Variants in ZNF428 observed in about 807,000 individuals in gnomAD.
The protein encoded by ZNF428 is enzyme-like protein PIT13.
A neutral mutation model predicts 15.6 loss-of-function variants in ZNF428; 5 were observed. The observed-to-expected ratio is 0.32, with a 90% CI of 0.17 to 0.67. ZNF428 has a LOEUF of 0.67. ZNF428 is among the 30% of genes least tolerant of loss of function. ZNF428 has a pLI of 0.73. For synonymous variants in ZNF428, 97 were observed against 102.2 expected, an observed-to-expected ratio of 0.95 and a Z score of 0.31; for missense variants, 237 against 256.0, an observed-to-expected ratio of 0.93 and a Z score of 0.51.
intron 1 of ZNF428, among the ~76,000 whole-genome samples, chr19:43,616,518 G>A (rs1973373354): frequency 6.6e-6 from 1 of 152,226 alleles, no homozygotes; most frequent in Non-Finnish European, 1.5e-5. Context: ...GGTGATAAGT[G>A]AGTAGCCCAA....
intron 1 of ZNF428, among the ~76,000 whole-genome samples, chr19:43,616,500 GAC>G (rs1973373121): frequency 6.6e-6 from 1 of 152,240 alleles, no homozygotes; most frequent in Non-Finnish European, 1.5e-5. Flanking sequence ...TGAGGAAACA[GAC>G]ACAGAGGTGA....
chr19:43,609,359 G>GGAGAGAGAGAGAGAGAGAAAGA (rs369453719), intron 2 of ZNF428, among the ~76,000 whole-genome samples: 3 of 81,762 alleles, frequency 3.7e-5, no homozygotes, highest in Non-Finnish European at 9.1e-5. Flanking sequence ...CTGTGGCCAT[G>GGAGAGAGAGAGAGAGAGAAAGA]GAGAGAGAGA....
At chr19:43,611,325 ATTTT>A (rs768244487) in intron 2 of ZNF428, among the ~76,000 whole-genome samples, 3 of 140,360 alleles carry the variant, frequency 2.1e-5, no homozygotes, top group African/African-American at 7.9e-5. Flanking sequence ...TGACCCGTTC[ATTTT>A]TTTTTTTTTC....
chr19:43,617,245 C>T (rs1973380827), intron 1 of ZNF428, among the ~76,000 whole-genome samples: 1 of 152,006 alleles, frequency 6.6e-6, no homozygotes, highest in Non-Finnish European at 1.5e-5. Flanking sequence ...ACCAACGGAC[C>T]GCCCCCGCCC....
At chr19:43,611,281 C>G (rs1264147822) in intron 2 of ZNF428, among the ~76,000 whole-genome samples, 1 of 151,726 alleles carries the variant, frequency 6.6e-6, no homozygotes, top group Non-Finnish European at 1.5e-5. Context: ...TCTCCCTCCC[C>G]AAAGCCTTGG....
Position 43,612,166 on chromosome 19 carries a change from A to T in ZNF428, c.76+2063T>A. The T allele has an allele frequency of 1.3e-6, 2 of 1,551,640 alleles. No individual in the cohort carries two copies. Among genetic ancestry groups the T allele is most frequent in the Non-Finnish European group, 1.7e-6 (2 of 1,146,966 alleles). Reference sequence around the variant, plus strand: ...CTTCAAAGCCCAGTATGTCTCTGGCACCCAGTGGATCCTCCATGCCCACTG... The same window carrying T: ...CTTCAAAGCCCAGTATGTCTCTGGCTCCCAGTGGATCCTCCATGCCCACTG... On this transcript the variant is annotated intron_variant, in intron 2 of 2. Coordinates refer to ENST00000300811, the MANE Select transcript of ZNF428 (RefSeq NM_182498.4). The surrounding 1 kb of genome is among the most constrained non-coding windows in gnomAD (Gnocchi z 4.2).
chr19:43,613,369 TAGA>T (rs1973326836), intron 2 of ZNF428: 1 of 1,549,094 alleles, frequency 6.5e-7, no homozygotes. Context: ...GCAGCCGATC[TAGA>T]AGTCCCTACA....
In ZNF428 at chr19:43,612,818, A is replaced by G. The variant is rs1463145370; in HGVS notation, c.76+1411T>C. ...AATTCCCTCCAAGGAGAAGAGTGAC[A>G]ACCCATCTCCATCCTCATCAAGGAA... On this transcript the variant is annotated intron_variant, in intron 2 of 2. Coordinates refer to ENST00000300811, the MANE Select transcript of ZNF428 (RefSeq NM_182498.4). This position sits in a 1 kb window ranked among gnomAD's most constrained non-coding sequence, Gnocchi z 4.2. 2 of 1,551,518 alleles carry G rather than the reference A, an allele frequency of 1.3e-6. No individual in the cohort carries two copies. The highest frequency in any genetic ancestry group is 1.7e-6 in the Non-Finnish European group (2 of 1,146,968).
chr19:43,616,188 A>C, intron 1 of ZNF428, among the ~76,000 whole-genome samples: 1 of 152,176 alleles, frequency 6.6e-6, no homozygotes, highest in East Asian at 1.9e-4. Flanking sequence ...ATATAATACC[A>C]CAAGGGGGGT....
intron 2 of ZNF428, among the ~76,000 whole-genome samples, chr19:43,609,360 G>GAGAGAGAGAGAGAGAA (rs71298761): frequency 2.2e-4 from 27 of 123,190 alleles, no homozygotes; most frequent in Non-Finnish European, 3.9e-4. Flanking sequence ...TGTGGCCATG[G>GAGAGAGAGAGAGAGAA]AGAGAGAGAG....
chr19:43,608,449 C>G (rs925153156), intron 2 of ZNF428: 17 of 211,066 alleles, frequency 8.1e-5, no homozygotes, highest in Non-Finnish European at 1.2e-4. Flanking sequence ...GGCAATATAG[C>G]AAGACTCCGT....
chr19:43,611,953 CCT>C, intron 2 of ZNF428: 1 of 624,414 alleles, frequency 1.6e-6, no homozygotes, highest in Non-Finnish European at 2.9e-6. Context: ...GGACCCCTCC[CCT>C]CTCTCCTCCC....
chr19:43,607,833 A>G lies in ZNF428; in HGVS notation c.351T>C (p.Ala117=), dbSNP rs964449141. 40 of 1,560,026 alleles carry G rather than the reference A, an allele frequency of 2.6e-5. No homozygotes were observed. The highest frequency in any genetic ancestry group is 6.8e-5 in the African/African-American group (5 of 73,438). ...GTPPCRLCCP[A]TAPQEAPAPE... is the part of the protein sequence containing the mutation. ...GGGCTGGTGCTTCCTGGGGGGCTGT[A>G]GCAGGGCAGCAGAGCCGGCAGGGTG... Residue 117 remains alanine, a synonymous_variant, in exon 3 of 3, where the codon GCT becomes GCC. Coordinates refer to ENST00000300811, the MANE Select transcript of ZNF428 (RefSeq NM_182498.4). The surrounding 1 kb of genome is among the most constrained non-coding windows in gnomAD (Gnocchi z 5.1).
intron 1 of ZNF428, among the ~76,000 whole-genome samples, chr19:43,615,079 G>A (rs1356288773): frequency 6.6e-6 from 1 of 152,062 alleles, no homozygotes; most frequent in Non-Finnish European, 1.5e-5. Flanking sequence ...CTGGACCATG[G>A]GGAGGTCTGG....
At chr19:43,609,739 T>TC (rs1162611198) in intron 2 of ZNF428, among the ~76,000 whole-genome samples, 8 of 150,196 alleles carry the variant, frequency 5.3e-5, no homozygotes, top group African/African-American at 2.0e-4. Flanking sequence ...AAGACTCCGT[T>TC]CCCAAAAAAA....
rs753254409 is a variant in ZNF428 at position 43,607,722 on chromosome 19, T to TTCC, written c.459_461dup (p.Glu158dup). ...AGTGGTAGGTTCCCTCCTCCTCCTCTTCCTCCTCCTCCTCCCGCCCAGCTG... is the reference window on the plus strand; with the variant it reads ...AGTGGTAGGTTCCCTCCTCCTCCTCTTCCTCCTCCTCCTCCTCCCGCCCAGCTG... On this transcript the variant is annotated inframe_insertion, in exon 3 of 3. Coordinates refer to ENST00000300811, the MANE Select transcript of ZNF428 (RefSeq NM_182498.4). This position sits in a 1 kb window ranked among gnomAD's most constrained non-coding sequence, Gnocchi z 5.1. 241 of 1,613,148 alleles carry TTCC rather than the reference T, an allele frequency of 1.5e-4. No homozygotes were observed. In the African/African-American group the frequency reaches 2.8e-3, roughly 19 times the overall value.
Position 43,612,241 on chromosome 19 carries a change from CA to C in ZNF428, c.76+1987del, listed in dbSNP as rs1973305612. ...TGAAGTCCACCAAATCAGCAACACC[CA>C]ACAGATCCTTAGTGCCCACCAAACC... On this transcript the variant is annotated intron_variant, in intron 2 of 2. Transcript: ENST00000300811. This position sits in a 1 kb window ranked among gnomAD's most constrained non-coding sequence, Gnocchi z 4.2. 1 of 1,551,720 alleles carries C rather than the reference CA, an allele frequency of 6.4e-7. No homozygotes were observed. The highest frequency in any genetic ancestry group is 8.7e-7 in the Non-Finnish European group (1 of 1,147,000).
chr19:43,615,173 A>G lies in ZNF428; in HGVS notation c.-130-739T>C, dbSNP rs570429618. On this transcript the variant is annotated intron_variant, in intron 1 of 2. Coordinates refer to ENST00000300811, the MANE Select transcript of ZNF428 (RefSeq NM_182498.4). ...ACACTATCACAACAATCATCAACAC[A>G]GAATTCTGTGACCAAATGTGTGGGG... Among the ~76,000 whole-genome samples the G allele has an allele frequency of 1.2e-3, 182 of 152,290 alleles. 3 individuals carry two copies. The highest frequency in any genetic ancestry group is 0.012 in the Admixed American group (182 of 15,296).
intron 1 of ZNF428, among the ~76,000 whole-genome samples, chr19:43,616,812 C>CTTTT (rs773874043): frequency 1.4e-5 from 2 of 138,396 alleles, no homozygotes; most frequent in Non-Finnish European, 3.1e-5. Flanking sequence ...CCTCCTCCTC[C>CTTTT]TTTTTTTTTT....
Sources: allele counts gnomAD v4.1 joint callset (sites outside exome capture counted in the v4.1 genomes callset), GRCh38; gene constraint gnomAD v4.1.1; non-coding constraint Gnocchi (gnomAD v3.1); transcripts MANE v1.5; gene names NCBI Gene and HGNC (gene_info 2026-07-23, HGNC 2026-07-21).